WWOX: variants seen among roughly 807,000 people sequenced by gnomAD.
WWOX encodes the protein WW domain containing oxidoreductase.
In WWOX, 69 loss-of-function variants were observed where a neutral mutation model predicts 46.2. That is an observed-to-expected ratio of 1.49 (90% CI 1.23 to 1.82). The LOEUF is 1.82. Among genes scored for constraint, WWOX ranks in the 40% most tolerant of loss-of-function variants. WWOX has a pLI of 0.00. For synonymous variants in WWOX, 359 were observed against 202.6 expected (o/e 1.77, Z -6.56); for missense variants, 919 against 542.6 (o/e 1.69, Z -6.89).
chr16:78,589,000 A>G (rs945918331), intron 8 of WWOX, among the ~76,000 whole-genome samples: 9 of 152,188 alleles, frequency 5.9e-5, no homozygotes, highest in Non-Finnish European at 1.3e-4. Context: ...TGTGGCCATC[A>G]TAGAAGTAAA....
chr16:79,024,985 C>T (rs747950689), intron 8 of WWOX, among the ~76,000 whole-genome samples: 20 of 152,182 alleles, frequency 1.3e-4, no homozygotes, highest in Non-Finnish European at 2.8e-4. Context: ...GAGTTCAATC[C>T]TAGGACCTGA....
chr16:78,467,336 C>T (rs2084104288), intron 8 of WWOX, among the ~76,000 whole-genome samples: 1 of 151,954 alleles, frequency 6.6e-6, no homozygotes, highest in Non-Finnish European at 1.5e-5. Context: ...TGTATGCGCA[C>T]ATACACATAT....
At chr16:78,967,379 G>C (rs188963056) in intron 8 of WWOX, among the ~76,000 whole-genome samples, 2 of 138,822 alleles carry the variant, frequency 1.4e-5, no homozygotes, top group Non-Finnish European at 3.0e-5. Context: ...AGCCTCCCGG[G>C]CTCAAGCTTT....
chr16:78,864,104 A>T (rs754141137), intron 8 of WWOX, among the ~76,000 whole-genome samples: 9 of 152,030 alleles, frequency 5.9e-5, no homozygotes, highest in Non-Finnish European at 1.2e-4. Flanking sequence ...GTTCTTAGGG[A>T]TATGTATTTA....
At chr16:78,927,987 T>C (rs1467855761) in intron 8 of WWOX, among the ~76,000 whole-genome samples, 1 of 151,902 alleles carries the variant, frequency 6.6e-6, no homozygotes, top group Non-Finnish European at 1.5e-5. Flanking sequence ...TGTGTGTGTG[T>C]GTATGTGTGT....
At chr16:79,027,479 CAACTGAATAAG>C (rs973866631) in intron 8 of WWOX, among the ~76,000 whole-genome samples, 18 of 151,716 alleles carry the variant, frequency 1.2e-4, no homozygotes, top group African/African-American at 4.4e-4. Context: ...GAAGAGCCTC[CAACTGAATAAG>C]AACTAATGAC....
At chr16:78,885,357 C>T (rs553323452) in intron 8 of WWOX, among the ~76,000 whole-genome samples, 1 of 152,192 alleles carries the variant, frequency 6.6e-6, no homozygotes, top group South Asian at 2.1e-4. Context: ...CCTGTCAGCT[C>T]AGTACAAGAA....
chr16:79,010,467 A>G (rs780364358), intron 8 of WWOX, among the ~76,000 whole-genome samples: 4 of 152,168 alleles, frequency 2.6e-5, no homozygotes. Flanking sequence ...TGACCAATCC[A>G]CAGGTGATGG....
rs1048549858 is a variant in WWOX, at chr16:78,547,198, C to G, written c.1056+114446C>G. On this transcript the variant is annotated intron_variant, in intron 8 of 8. Transcript: ENST00000566780. The stretch of plus-strand genomic sequence containing the variant: ...TGTTGGAATGTCTGCCAGTTTCAAC[C>G]CACGGGGATAGGGTGAGATGAACAT... Among the ~76,000 whole-genome samples the G allele has an allele frequency of 2.7e-5, 4 of 148,442 alleles. No homozygotes were observed. In the East Asian group the frequency reaches 8.1e-4, roughly 30 times the overall value.
At chr16:78,359,675 A>C (rs2081368096) in intron 5 of WWOX, among the ~76,000 whole-genome samples, 1 of 152,318 alleles carries the variant, frequency 6.6e-6, no homozygotes, top group East Asian at 1.9e-4. Context: ...AAAAAAATAA[A>C]TTTTCATTGT....
Position 78,853,281 on chromosome 16 carries a change from C to T in WWOX, c.1057-358327C>T, listed in dbSNP as rs1215894362. Among the ~76,000 whole-genome samples the T allele has an allele frequency of 2.6e-5, 4 of 151,986 alleles. No individual in the cohort carries two copies. In the East Asian group the frequency reaches 5.8e-4, roughly 22 times the overall value. On this transcript the variant is annotated intron_variant, in intron 8 of 8. Coordinates refer to ENST00000566780, the MANE Select transcript of WWOX (RefSeq NM_016373.4). The stretch of plus-strand genomic sequence containing the variant: ...TGTCATCCAGGCTGGAGTGCAGTGG[C>T]GTGATCTCGGCTCACTGCAACCTCT...
At chr16:78,193,004 T>C (rs1385346750) in intron 5 of WWOX, among the ~76,000 whole-genome samples, 1 of 152,214 alleles carries the variant, frequency 6.6e-6, no homozygotes, top group Non-Finnish European at 1.5e-5. Flanking sequence ...GGGTTGGCCG[T>C]GGCTCCACAG....
At chr16:78,664,085 T>C (rs952423123) in intron 8 of WWOX, among the ~76,000 whole-genome samples, 1 of 152,082 alleles carries the variant, frequency 6.6e-6, no homozygotes, top group African/African-American at 2.4e-5. Flanking sequence ...AGGAGGACAA[T>C]GCGTAGGAGG....
At chr16:78,600,276 C>T (rs1343329156) in intron 8 of WWOX, among the ~76,000 whole-genome samples, 1 of 151,922 alleles carries the variant, frequency 6.6e-6, no homozygotes, top group Non-Finnish European at 1.5e-5. Flanking sequence ...GGGACACAGC[C>T]AAACCATATC....
chr16:78,673,482 G>A (rs1289104794), intron 8 of WWOX, among the ~76,000 whole-genome samples: 2 of 152,236 alleles, frequency 1.3e-5, no homozygotes, highest in East Asian at 3.9e-4. Flanking sequence ...CTAAAACAGG[G>A]CTTCCAGGAA....
chr16:78,762,014 G>T (rs1424714530), intron 8 of WWOX, among the ~76,000 whole-genome samples: 2 of 152,166 alleles, frequency 1.3e-5, no homozygotes, highest in Non-Finnish European at 2.9e-5. Context: ...AATATCATGA[G>T]AATTTCTTAG....
intron 7 of WWOX, among the ~76,000 whole-genome samples, chr16:78,426,355 G>T (rs2083077490): frequency 2.0e-5 from 3 of 152,086 alleles, no homozygotes; most frequent in Non-Finnish European, 1.5e-5. Flanking sequence ...TAAATGAGCT[G>T]GTATTTAATG....
intron 5 of WWOX, among the ~76,000 whole-genome samples, chr16:78,320,800 AG>A (rs2080451176): frequency 6.6e-6 from 1 of 152,212 alleles, no homozygotes; most frequent in Admixed American, 6.5e-5. Context: ...TAACATTCTT[AG>A]AAAACTTTGA....
At chr16:79,181,274 T>A (rs1207553578) in intron 8 of WWOX, among the ~76,000 whole-genome samples, 1 of 152,198 alleles carries the variant, frequency 6.6e-6, no homozygotes, top group Non-Finnish European at 1.5e-5. Context: ...AAACAAAAAT[T>A]TTTAAAAATG....
Sources: allele counts gnomAD v4.1 joint callset (sites outside exome capture counted in the v4.1 genomes callset), GRCh38; gene constraint gnomAD v4.1.1; transcripts MANE v1.5; gene names NCBI Gene and HGNC (gene_info 2026-07-23, HGNC 2026-07-21).